The following DLGAP3 variants were observed in gnomAD, a reference collection of about 807,000 sequenced individuals.
The protein encoded by DLGAP3 is disks large-associated protein 3.
Under a neutral mutation model 81.2 loss-of-function variants are expected in DLGAP3, and 17 were observed. That is an observed-to-expected ratio of 0.21 (90% CI 0.14 to 0.31). The LOEUF (loss-of-function observed/expected upper bound fraction) is 0.31. DLGAP3 is among the 10% of genes least tolerant of loss of function. The pLI is 1.00. For missense variants in DLGAP3, 1,124 were observed against 1,388.0 expected, an observed-to-expected ratio of 0.81 and a Z score of 3.02; for synonymous variants, 577 against 587.4, an observed-to-expected ratio of 0.98 and a Z score of 0.26.
At chr1:34,906,030 A>ATATATATATATATATATATATATATC (rs1639549158) in intron 2 of DLGAP3, among the ~76,000 whole-genome samples, 1 of 132,716 alleles carries the variant, frequency 7.5e-6, no homozygotes. Context: ...ATATATATAT[A>ATATATATATATATATATATATATATC]TATTTGTTTG....
chr1:34,867,479 C>A lies in DLGAP3; in HGVS notation c.2577+57G>T. The A allele has an allele frequency of 1.4e-6, 2 of 1,456,038 alleles. No individual in the cohort carries two copies. The highest frequency in any genetic ancestry group is 1.9e-6 in the Non-Finnish European group (2 of 1,035,820). 90.2% of individuals were successfully genotyped at this position (1,456,038 alleles called of 1,614,324 possible). A position where few individuals can be genotyped will look rare whatever the true frequency, so the allele number is the denominator to read the frequency against. ...GGTCACCTGCCTGTCTCACCTCCAGCACACACACACTCTGGGTCACATGTA... is the reference window on the plus strand; with the variant it reads ...GGTCACCTGCCTGTCTCACCTCCAGAACACACACACTCTGGGTCACATGTA... On this transcript the variant is annotated intron_variant, in intron 10 of 11. Coordinates refer to ENST00000373347, the MANE Select transcript of DLGAP3 (RefSeq NM_001080418.3). This position sits in a 1 kb window ranked among gnomAD's most constrained non-coding sequence, Gnocchi z 4.3.
At chr1:34,897,979 G>A (rs1639402690) in intron 5 of DLGAP3, among the ~76,000 whole-genome samples, 1 of 152,234 alleles carries the variant, frequency 6.6e-6, no homozygotes, top group Non-Finnish European at 1.5e-5. Context: ...GGATAGAGCA[G>A]CAACTGCGGC....
chr1:34,885,761 A>C lies in DLGAP3; in HGVS notation c.1631T>G (p.Ile544Ser). ...SFNFRKAPPP[I>S]PPGSQAPPRI... ...GGGCGGGGCCTGGCTTCCCGGCGGGATGGGGGGCGGGGCCTTTCTGAAGTT... is the reference window on the plus strand; with the variant it reads ...GGGCGGGGCCTGGCTTCCCGGCGGGCTGGGGGGCGGGGCCTTTCTGAAGTT... The change falls in exon 7 of 12, where the codon ATC becomes AGC. Residue 544 changes from isoleucine to serine, a missense_variant. By Grantham distance (142) the Ile-to-Ser change is moderately radical. Around this residue, in one of 9 missense-constraint regions of DLGAP3, gnomAD observed 379 missense variants for 455.7 expected, o/e 0.83. Transcript: ENST00000373347. 2.1e-6 allele frequency: 3 copies of C among 1,407,280 alleles called. No homozygotes were observed. Among genetic ancestry groups the C allele is most frequent in the Non-Finnish European group, 1.8e-6 (2 of 1,088,740 alleles). 87.2% of individuals were successfully genotyped at this position (1,407,280 alleles called of 1,614,324 possible).
chr1:34,885,194 A>G (rs1199067691), intron 7 of DLGAP3, 131 bp from the exon 8 acceptor site: 1 of 932,990 alleles, frequency 1.1e-6, no homozygotes. Context: ...CCTGAACAAG[A>G]TGAGAGACCC....
chr1:34,911,281 TC>T (rs1330891883), intron 1 of DLGAP3, among the ~76,000 whole-genome samples: 1 of 152,164 alleles, frequency 6.6e-6, no homozygotes, highest in Non-Finnish European at 1.5e-5. Flanking sequence ...TAAAAAGACC[TC>T]ATCCATACAT....
At position 34,929,611 on chromosome 1, in the gene DLGAP3, A is replaced by C. The variant is rs1173254378; in HGVS notation, c.-295T>G. The C allele has an allele frequency of 6.6e-6, 1 of 150,612 alleles. No individual in the cohort carries two copies. Among genetic ancestry groups the C allele is most frequent in the Non-Finnish European group, 1.5e-5 (1 of 67,448 alleles). 9.3% of individuals were successfully genotyped at this position (150,612 alleles called of 1,614,324 possible). ...GAGCCCCAAGCGAGCGCCGAGCGGC[A>C]GCGGGCGCGGGAGCGGGAGGCGGCC... On this transcript the variant is annotated 5_prime_UTR_variant, in exon 1 of 12. Transcript: ENST00000373347. The surrounding 1 kb of genome is among the most constrained non-coding windows in gnomAD (Gnocchi z 6.5).
intron 5 of DLGAP3, among the ~76,000 whole-genome samples, chr1:34,891,478 G>T (rs1174201951): frequency 1.3e-5 from 2 of 152,216 alleles, no homozygotes; most frequent in Non-Finnish European, 2.9e-5. Context: ...CAGACCAAGG[G>T]AGTTTGATAA....
At chr1:34,872,781 G>T (rs755344640) in intron 8 of DLGAP3, among the ~76,000 whole-genome samples, 2 of 152,216 alleles carry the variant, frequency 1.3e-5, no homozygotes, top group Non-Finnish European at 2.9e-5. Context: ...GAAGCAAGCT[G>T]CAAGTGAAGG....
chr1:34,883,887 C>A (rs1639181515), intron 8 of DLGAP3, among the ~76,000 whole-genome samples: 1 of 151,922 alleles, frequency 6.6e-6, no homozygotes, highest in Non-Finnish European at 1.5e-5. Context: ...AACAGAGCTG[C>A]GAGGAACCAC....
At chr1:34,881,863 G>A (rs968848741) in intron 8 of DLGAP3, among the ~76,000 whole-genome samples, 2 of 152,118 alleles carry the variant, frequency 1.3e-5, no homozygotes, top group Admixed American at 1.3e-4. Flanking sequence ...AAAATAAGAT[G>A]CTTATCCAAC....
chr1:34,925,027 C>T (rs1219823569), intron 1 of DLGAP3, among the ~76,000 whole-genome samples: 1 of 152,142 alleles, frequency 6.6e-6, no homozygotes, highest in Non-Finnish European at 1.5e-5. Context: ...CACTCAGCAC[C>T]CGGGACAGTT....
intron 8 of DLGAP3, among the ~76,000 whole-genome samples, chr1:34,870,218 A>T (rs1000915030): frequency 1.3e-5 from 2 of 152,168 alleles, no homozygotes; most frequent in South Asian, 2.1e-4. Context: ...CTGAATTCAG[A>T]GTTCTTTTCT....
rs1256960239 is a variant in DLGAP3, at chr1:34,867,301, G to A, written c.2578-110C>T. On this transcript the variant is annotated intron_variant, in intron 10 of 11. Transcript: ENST00000373347. This position sits in a 1 kb window ranked among gnomAD's most constrained non-coding sequence, Gnocchi z 4.3. Reference sequence around the variant, plus strand: ...TACTGCCAGGAAGCTCAGCCTGGGAGAGTGGGTGGGGGCTGGGAGACAGGG... The same window carrying A: ...TACTGCCAGGAAGCTCAGCCTGGGAAAGTGGGTGGGGGCTGGGAGACAGGG... The A allele has an allele frequency of 6.6e-6, 10 of 1,504,558 alleles. No homozygotes were observed. Among genetic ancestry groups the A allele is most frequent in the Non-Finnish European group, 9.2e-6 (10 of 1,087,676 alleles). 93.2% of individuals were successfully genotyped at this position (1,504,558 alleles called of 1,614,324 possible). A position where few individuals can be genotyped will look rare whatever the true frequency, so the allele number is the denominator to read the frequency against.
chr1:34,901,900 A>G (rs2148410525), intron 3 of DLGAP3, among the ~76,000 whole-genome samples: 1 of 152,344 alleles, frequency 6.6e-6, no homozygotes, highest in South Asian at 2.1e-4. Flanking sequence ...AATGATGGAA[A>G]GAGCCAGTAA....
intron 5 of DLGAP3, among the ~76,000 whole-genome samples, chr1:34,888,499 CCT>C (rs1014715446): frequency 6.6e-6 from 1 of 152,192 alleles, no homozygotes; most frequent in Non-Finnish European, 1.5e-5. Flanking sequence ...TAACAAAACA[CCT>C]CTCTTGCTTT....
chr1:34,929,392 G>A lies in DLGAP3; in HGVS notation c.-135+59C>T, dbSNP rs986808627. 4.7e-5 allele frequency: 7 copies of A among 148,340 alleles called. No individual in the cohort carries two copies. The highest frequency in any genetic ancestry group is 7.3e-5 in the African/African-American group (3 of 41,078). The allele number at this position is 148,340 out of a possible 1,614,324, so 9.2% of individuals were successfully genotyped here. ...GGGGCCGCAGCCGGGCCGTGCCTGG[G>A]GGGCGCTGCAGAGGGAGCCGCGAGC... is the stretch of plus-strand genomic sequence containing the variant. On this transcript the variant is annotated intron_variant, in intron 1 of 11. Coordinates refer to ENST00000373347, the MANE Select transcript of DLGAP3 (RefSeq NM_001080418.3). The surrounding 1 kb of genome is among the most constrained non-coding windows in gnomAD (Gnocchi z 6.5).
In DLGAP3 at chr1:34,873,651, G is replaced by A. The variant is rs906707704; in HGVS notation, c.2001-4562C>T. The stretch of plus-strand genomic sequence containing the variant: ...CATCGGAATGTAGCACTGAGAACCC[G>A]GCTAGGGCATTGTAGTTATTAATTA... On this transcript the variant is annotated intron_variant, in intron 8 of 11. Transcript: ENST00000373347. This position sits in a 1 kb window ranked among gnomAD's most constrained non-coding sequence, Gnocchi z 4.2. 4.6e-5 allele frequency among the ~76,000 whole-genome samples: 7 copies of A among 152,174 alleles called. No homozygotes were observed. Among genetic ancestry groups the A allele is most frequent in the Admixed American group, 1.3e-4 (2 of 15,274 alleles).
intron 1 of DLGAP3, among the ~76,000 whole-genome samples, chr1:34,911,002 C>T (rs1639630564): frequency 7.1e-6 from 1 of 141,840 alleles, no homozygotes. Context: ...CACAACTATT[C>T]CAAAGGATAG....
At chr1:34,866,988 C>T (rs1403960677) in intron 11 of DLGAP3, 60 bp downstream of exon 11, 17 of 1,600,956 alleles carry the variant, frequency 1.1e-5, no homozygotes, top group Non-Finnish European at 1.4e-5. Context: ...CCCTCCACCT[C>T]TCTGGGGAGG....
Sources: allele counts gnomAD v4.1 joint callset (sites outside exome capture counted in the v4.1 genomes callset), GRCh38; gene constraint gnomAD v4.1.1; regional missense constraint gnomAD v4.1.1; non-coding constraint Gnocchi (gnomAD v3.1); transcripts MANE v1.5; gene names NCBI Gene and HGNC (gene_info 2026-07-23, HGNC 2026-07-21).